The following SRGAP2C variants were observed in gnomAD, a reference collection of about 807,000 sequenced individuals.
SRGAP2C encodes SLIT-ROBO Rho GTPase-activating protein 2C.
In SRGAP2C, 15 loss-of-function variants were observed where a neutral mutation model predicts 25.1. The observed-to-expected ratio is 0.60, with a 90% confidence interval of 0.40 to 0.92. The LOEUF (loss-of-function observed/expected upper bound fraction) is 0.92. Among genes scored for constraint, SRGAP2C ranks in the 40% least tolerant of loss-of-function variants. SRGAP2C has a pLI of 0.00. For synonymous variants in SRGAP2C, 44 were observed against 96.6 expected (o/e 0.46, Z 3.19); for missense variants, 144 against 264.4 (o/e 0.54, Z 3.16).
chr1:121,285,404 TCA>T (rs1343653361), intron 3 of SRGAP2C, among the ~76,000 whole-genome samples: 11 of 124,534 alleles, frequency 8.8e-5, no homozygotes, highest in East Asian at 5.4e-4. Context: ...TCTCTCTCTC[TCA>T]CACACACACA....
intron 2 of SRGAP2C, among the ~76,000 whole-genome samples, chr1:121,195,208 C>T (rs1570695762): frequency 6.6e-6 from 1 of 152,082 alleles, no homozygotes; most frequent in Non-Finnish European, 1.5e-5. Flanking sequence ...GTCAGGAGTT[C>T]GAGACCAGCC....
At chr1:121,314,402 G>T (rs1280534344) in intron 3 of SRGAP2C, among the ~76,000 whole-genome samples, 1 of 151,978 alleles carries the variant, frequency 6.6e-6, no homozygotes. Flanking sequence ...TAATTTGATC[G>T]TCTGAAGCCT....
chr1:121,347,037 G>A (rs1245413694), intron 4 of SRGAP2C, among the ~76,000 whole-genome samples: 1 of 150,918 alleles, frequency 6.6e-6, no homozygotes, highest in Non-Finnish European at 1.5e-5. Context: ...CCCTCTTTGG[G>A]AGCTACCACA....
intron 2 of SRGAP2C, among the ~76,000 whole-genome samples, chr1:121,201,400 G>C (rs1404942878): frequency 6.7e-6 from 1 of 148,684 alleles, no homozygotes. Flanking sequence ...GTGCGTATGA[G>C]CTTTCTTTTG....
chr1:121,377,263 C>CTTTTTTTT (rs57457251), intron 7 of SRGAP2C, among the ~76,000 whole-genome samples: 11 of 50,436 alleles, frequency 2.2e-4, no homozygotes, highest in Non-Finnish European at 3.1e-4. Flanking sequence ...TCTCATGTTT[C>CTTTTTTTT]TTTTTTTTTT....
chr1:121,306,921 C>A (rs1261440845), intron 3 of SRGAP2C, among the ~76,000 whole-genome samples: 1 of 151,976 alleles, frequency 6.6e-6, no homozygotes, highest in Non-Finnish European at 1.5e-5. Context: ...CAATACTTAT[C>A]TTTGCTTTGT....
At chr1:121,270,042 C>T (rs1236079910) in intron 2 of SRGAP2C, among the ~76,000 whole-genome samples, 2 of 148,138 alleles carry the variant, frequency 1.4e-5, no homozygotes, top group African/African-American at 2.5e-5. Context: ...CCATATGTAG[C>T]CACTTGTTCT....
chr1:121,207,316 G>C (rs1553322696), intron 2 of SRGAP2C, among the ~76,000 whole-genome samples: 2 of 151,030 alleles, frequency 1.3e-5, no homozygotes, highest in Admixed American at 6.6e-5. Flanking sequence ...AACAAGGAGA[G>C]AGAAAACTGG....
intron 5 of SRGAP2C, among the ~76,000 whole-genome samples, chr1:121,369,514 C>T (rs1304686567): frequency 6.6e-6 from 1 of 152,228 alleles, no homozygotes; most frequent in Non-Finnish European, 1.5e-5. Context: ...AAGTTTACAT[C>T]CCCTTGGCTT....
At position 121,391,297 on chromosome 1, in the gene SRGAP2C, T is replaced by A; in HGVS notation, c.*3442T>A. 1 of 151,850 alleles carries A rather than the reference T, an allele frequency of 6.6e-6. No homozygotes were observed. The highest frequency in any genetic ancestry group is 1.5e-5 in the Non-Finnish European group (1 of 67,922). 9.4% of individuals were successfully genotyped at this position (151,850 alleles called of 1,614,324 possible). A position where few individuals can be genotyped will look rare whatever the true frequency, so the allele number is the denominator to read the frequency against. On this transcript the variant is annotated 3_prime_UTR_variant, in exon 10 of 10. Transcript: ENST00000367123. ...CGTATTCATAGGTTAAGCCACATGC[T>A]GACAAATGTCATAAGAAGACCCTAC... is the stretch of plus-strand genomic sequence containing the variant.
intron 2 of SRGAP2C, among the ~76,000 whole-genome samples, chr1:121,234,786 C>A (rs587601239): frequency 6.7e-6 from 1 of 148,286 alleles, no homozygotes; most frequent in Non-Finnish European, 1.5e-5. Context: ...TCTTTGCTAG[C>A]CTTTGTGAAA....
intron 4 of SRGAP2C, among the ~76,000 whole-genome samples, chr1:121,345,299 T>C (rs1461081701): frequency 1.1e-4 from 17 of 151,920 alleles, no homozygotes; most frequent in Non-Finnish European, 2.1e-4. Context: ...TGCTTACTAA[T>C]TTTTAGCATG....
At chr1:121,345,649 C>CTTTTTT (rs782110661) in intron 4 of SRGAP2C, among the ~76,000 whole-genome samples, 16 of 95,772 alleles carry the variant, frequency 1.7e-4, no homozygotes, top group African/African-American at 2.9e-4. Flanking sequence ...GGTTGCTCTT[C>CTTTTTT]TTTTTTTTTT....
chr1:121,375,112 T>C (rs1450265819), intron 7 of SRGAP2C, among the ~76,000 whole-genome samples, 158 bp downstream of exon 7: 2 of 151,626 alleles, frequency 1.3e-5, no homozygotes, highest in Admixed American at 1.3e-4. Context: ...AAGCACCATG[T>C]GAAACACTTC....
chr1:121,225,859 C>T (rs1655653654), intron 2 of SRGAP2C, among the ~76,000 whole-genome samples: 1 of 138,678 alleles, frequency 7.2e-6, no homozygotes, highest in African/African-American at 2.7e-5. Context: ...CGCCCGCCAC[C>T]ACGCCCAGCT....
chr1:121,225,754 C>T (rs1389374199), intron 2 of SRGAP2C, among the ~76,000 whole-genome samples: 64 of 149,300 alleles, frequency 4.3e-4, no homozygotes, highest in Non-Finnish European at 6.4e-4. Flanking sequence ...GCTCCGTCAC[C>T]CAGGCTGGAG....
intron 3 of SRGAP2C, among the ~76,000 whole-genome samples, chr1:121,315,539 TTC>T (rs1658078272): frequency 6.6e-6 from 1 of 151,732 alleles, no homozygotes; most frequent in African/African-American, 2.4e-5. Flanking sequence ...TGACTAGGGC[TTC>T]TCTTATACCA....
rs1166238475 is a variant in SRGAP2C at position 121,291,111 on chromosome 1, C to CAAA, written c.260+6127_260+6129dup. Among the ~76,000 whole-genome samples the CAAA allele has an allele frequency of 9.3e-3, 942 of 101,300 alleles. 27 individuals are homozygous for CAAA. Among genetic ancestry groups the CAAA allele is most frequent in the African/African-American group, 0.013 (337 of 26,756 alleles). 66.5% of individuals were successfully genotyped at this position (101,300 alleles called of 152,430 possible). A position where few individuals can be genotyped will look rare whatever the true frequency, so the allele number is the denominator to read the frequency against. ...GGGTAATCTACACACAAAGTAAGAG[C>CAAA]AAAAAAAAAAAAAGTGGGGGGAGTG... On this transcript the variant is annotated intron_variant, in intron 3 of 9. Coordinates refer to ENST00000367123, the MANE Select transcript of SRGAP2C (RefSeq NM_001329984.2).
In SRGAP2C at chr1:121,254,001, C is replaced by G. The variant is rs1272784100; in HGVS notation, c.68-30802C>G. 4.6e-5 allele frequency among the ~76,000 whole-genome samples: 7 copies of G among 151,708 alleles called. 2 individuals carry two copies. The highest frequency in any genetic ancestry group is 8.8e-5 in the Non-Finnish European group (6 of 67,880). ...GATCTCGGCTCTCTGCAGTCTCAACCTCCTGGGTTCAAGCAATTCTCCTGC... is the reference window on the plus strand; with the variant it reads ...GATCTCGGCTCTCTGCAGTCTCAACGTCCTGGGTTCAAGCAATTCTCCTGC... On this transcript the variant is annotated intron_variant, in intron 2 of 9. Transcript: ENST00000367123.
Sources: allele counts gnomAD v4.1 joint callset (sites outside exome capture counted in the v4.1 genomes callset), GRCh38; gene constraint gnomAD v4.1.1; transcripts MANE v1.5; gene names NCBI Gene and HGNC (gene_info 2026-07-23, HGNC 2026-07-21).